R3HDM2: variants seen among roughly 807,000 people sequenced by gnomAD.
R3HDM2 encodes the protein R3H domain-containing protein 2.
In R3HDM2, 38 loss-of-function variants were observed where a neutral mutation model predicts 124.5. The observed-to-expected ratio is 0.31, with a 90% CI of 0.24 to 0.40. The LOEUF (loss-of-function observed/expected upper bound fraction) is 0.40. R3HDM2 is among the 10% of genes least tolerant of loss of function. The probability of loss-of-function intolerance (pLI) is 1.00; values close to 1 mark genes in which losing one functional copy is unlikely to be tolerated. For missense variants in R3HDM2, 869 were observed against 1,236.9 expected (o/e 0.70, Z 4.46); for synonymous variants, 391 against 448.0 (o/e 0.87, Z 1.61).
intron 14 of R3HDM2, chr12:57,272,669 T>C (rs1303446993): frequency 6.5e-6 from 3 of 462,282 alleles, no homozygotes; most frequent in East Asian, 5.1e-5. Flanking sequence ...GAAGGAACAA[T>C]AAGGTTAATA....
chr12:57,273,759 C>T (rs942628361), intron 14 of R3HDM2, among the ~76,000 whole-genome samples: 1 of 152,158 alleles, frequency 6.6e-6, no homozygotes, highest in Non-Finnish European at 1.5e-5. Flanking sequence ...CTCCTCCCTC[C>T]ACATTTAGAG....
chr12:57,314,963 ATCC>A (rs1181795363), intron 2 of R3HDM2, among the ~76,000 whole-genome samples: 2 of 151,758 alleles, frequency 1.3e-5, no homozygotes, highest in African/African-American at 2.4e-5. Context: ...GGCTCAGGTG[ATCC>A]TCCTATCTCA....
At chr12:57,326,142 C>A (rs1461318168) in intron 2 of R3HDM2, among the ~76,000 whole-genome samples, 5 of 152,160 alleles carry the variant, frequency 3.3e-5, no homozygotes, top group Non-Finnish European at 5.9e-5. Flanking sequence ...CCCAACTGTT[C>A]CCCGATCTCT....
intron 20 of R3HDM2, 95 bp downstream of exon 20, chr12:57,258,794 AC>A: frequency 8.5e-7 from 1 of 1,173,070 alleles, no homozygotes; most frequent in Non-Finnish European, 1.1e-6. Context: ...CCAGGAAAAG[AC>A]ATGTAAAAGA....
intron 2 of R3HDM2, among the ~76,000 whole-genome samples, chr12:57,319,927 A>C (rs2056030074): frequency 6.6e-6 from 1 of 152,060 alleles, no homozygotes; most frequent in South Asian, 2.1e-4. Flanking sequence ...TCCTGGAAAC[A>C]ATTTTTTCTG....
At chr12:57,320,357 T>C (rs1488790531) in intron 2 of R3HDM2, among the ~76,000 whole-genome samples, 1 of 150,746 alleles carries the variant, frequency 6.6e-6, no homozygotes, top group Non-Finnish European at 1.5e-5. Context: ...TCTTAATAGT[T>C]TATTTGGTAT....
At chr12:57,290,043 T>C (rs1410836832) in intron 11 of R3HDM2, among the ~76,000 whole-genome samples, 1 of 152,100 alleles carries the variant, frequency 6.6e-6, no homozygotes, top group Non-Finnish European at 1.5e-5. Context: ...TACAAGGATC[T>C]AACAAAGAAT....
chr12:57,391,222 G>A (rs1310212412), intron 2 of R3HDM2, among the ~76,000 whole-genome samples: 3 of 152,048 alleles, frequency 2.0e-5, no homozygotes, highest in Non-Finnish European at 4.4e-5. Context: ...AAGCAAATGC[G>A]TACAGCTACA....
intron 2 of R3HDM2, among the ~76,000 whole-genome samples, chr12:57,387,146 A>C (rs1020272131): frequency 3.3e-5 from 5 of 152,110 alleles, no homozygotes; most frequent in African/African-American, 1.2e-4. Context: ...GTCAGATAAG[A>C]GAATAAAAGC....
chr12:57,323,589 G>A (rs1227027887), intron 2 of R3HDM2, among the ~76,000 whole-genome samples: 1 of 152,162 alleles, frequency 6.6e-6, no homozygotes, highest in African/African-American at 2.4e-5. Flanking sequence ...GGAACTGGCT[G>A]GTATCCAGAG....
chr12:57,307,974 A>C (rs1450724845), intron 3 of R3HDM2, among the ~76,000 whole-genome samples: 1 of 152,066 alleles, frequency 6.6e-6, no homozygotes, highest in Non-Finnish European at 1.5e-5. Flanking sequence ...TACCAGCAGC[A>C]AAAGGAGTCA....
Position 57,254,676 on chromosome 12 carries a change from C to A in R3HDM2, c.*97G>T. The A allele has an allele frequency of 9.1e-7, 1 of 1,100,210 alleles. No homozygotes were observed. Among genetic ancestry groups the A allele is most frequent in the Non-Finnish European group, 1.3e-6 (1 of 778,366 alleles). The allele number at this position is 1,100,210 out of a possible 1,614,324, so 68.2% of individuals were successfully genotyped here. ...TTAGGTTCCAGTTTAACATCAGTTT[C>A]CTTACTTCCTGCCTCTGTCCATGGT... is the stretch of plus-strand genomic sequence containing the variant. On this transcript the variant is annotated 3_prime_UTR_variant, in exon 24 of 24. Coordinates refer to ENST00000402412, the MANE Select transcript of R3HDM2 (RefSeq NM_001394031.1).
In R3HDM2 at chr12:57,254,699, G is replaced by T; in HGVS notation, c.*74C>A. ...TTCCTTACTTCCTGCCTCTGTCCAT[G>T]GTCTGTCAGGATCCTTCAACCCCCT... On this transcript the variant is annotated 3_prime_UTR_variant, in exon 24 of 24. Coordinates refer to ENST00000402412, the MANE Select transcript of R3HDM2 (RefSeq NM_001394031.1). 7.8e-7 allele frequency: 1 copy of T among 1,287,070 alleles called. No homozygotes were observed. The allele number at this position is 1,287,070 out of a possible 1,614,324, so 79.7% of individuals were successfully genotyped here.
intron 2 of R3HDM2, among the ~76,000 whole-genome samples, chr12:57,348,693 C>CAAAAAAAAAA (rs1168127324): frequency 1.4e-3 from 35 of 25,142 alleles, no homozygotes; most frequent in African/African-American, 5.1e-3. Context: ...GACTCCGTCT[C>CAAAAAAAAAA]AAAAAAAAAA....
chr12:57,312,028 C>T (rs932855453), intron 2 of R3HDM2, among the ~76,000 whole-genome samples: 4 of 152,212 alleles, frequency 2.6e-5, no homozygotes, highest in African/African-American at 7.2e-5. Flanking sequence ...TCTCCTTATA[C>T]AGGTTACTGA....
intron 14 of R3HDM2, among the ~76,000 whole-genome samples, chr12:57,273,768 A>G (rs540811873): frequency 5.9e-5 from 9 of 152,258 alleles, no homozygotes; most frequent in African/African-American, 1.9e-4. Flanking sequence ...CCACATTTAG[A>G]GCATTAAGAT....
chr12:57,413,186 G>A (rs2069169112), intron 1 of R3HDM2, among the ~76,000 whole-genome samples: 1 of 151,798 alleles, frequency 6.6e-6, no homozygotes, highest in Non-Finnish European at 1.5e-5. Context: ...GAAAACTTAT[G>A]TCACCACCAA....
In R3HDM2 at chr12:57,413,203, T is replaced by TG. The variant is rs1435588750; in HGVS notation, c.-105-17386dup. On this transcript the variant is annotated intron_variant, in intron 1 of 23. Transcript: ENST00000402412. ...AAACTTATGTCACCACCAAATTAGG[T>TG]GAAAAAAAAGCAATACAATGCCAAT... 2.6e-5 allele frequency among the ~76,000 whole-genome samples: 4 copies of TG among 151,284 alleles called. No homozygotes were observed. In the South Asian group the frequency reaches 6.3e-4, roughly 24 times the overall value.
chr12:57,266,097 A>AGTG, intron 19 of R3HDM2, among the ~76,000 whole-genome samples: 1 of 129,132 alleles, frequency 7.7e-6, no homozygotes, highest in South Asian at 2.4e-4. Context: ...GCACCTGGCC[A>AGTG]TAATTTTTCT....
Sources: allele counts gnomAD v4.1 joint callset (sites outside exome capture counted in the v4.1 genomes callset), GRCh38; gene constraint gnomAD v4.1.1; transcripts MANE v1.5; gene names NCBI Gene and HGNC (gene_info 2026-07-23, HGNC 2026-07-21).